CAPN15: variants seen among roughly 807,000 people sequenced by gnomAD.
CAPN15 encodes calpain-15.
A neutral mutation model predicts 97.9 loss-of-function variants in CAPN15; 53 were observed. The ratio of observed to expected loss-of-function variants is 0.54; its 90% CI spans 0.43 to 0.68. The LOEUF (loss-of-function observed/expected upper bound fraction) is 0.68, where lower values mean the gene tolerates loss of function less well. CAPN15 is among the 30% of genes least tolerant of loss of function. The pLI, the probability that CAPN15 is intolerant of heterozygous loss-of-function variation, is 0.00. For synonymous variants in CAPN15, 922 were observed against 722.5 expected (o/e 1.28, Z -4.43); for missense variants, 1,592 against 1,589.8 (o/e 1.00, Z -0.02).
In CAPN15 at chr16:546,745, G is replaced by A. The variant is rs2034610877; in HGVS notation, c.-22-72G>A. ...CAGCCACAGACGGGTGCCTTCCCCA[G>A]GCCGAGAGGAGGGTGGGGTCCAGCC... On this transcript the variant is annotated intron_variant, in intron 3 of 13. Transcript: ENST00000219611. The A allele has an allele frequency of 2.7e-6, 4 of 1,474,238 alleles. No homozygotes were observed. The Admixed American group carries it at 9.5e-5, about 35-fold the overall frequency. 91.3% of individuals were successfully genotyped at this position (1,474,238 alleles called of 1,614,324 possible).
intron 1 of CAPN15, chr16:528,808 T>C: frequency 2.1e-6 from 2 of 967,388 alleles, no homozygotes; most frequent in Non-Finnish European, 2.5e-6. Flanking sequence ...TGGGACTCCG[T>C]TGGGTGCTGA....
chr16:552,569 CG>C lies in CAPN15; in HGVS notation c.2738-32del, dbSNP rs1567161370. The C allele has an allele frequency of 6.4e-7, 1 of 1,564,376 alleles. No individual in the cohort carries two copies. The highest frequency in any genetic ancestry group is 1.8e-5 in the Admixed American group (1 of 55,252). On this transcript the variant is annotated intron_variant, in intron 11 of 13. Transcript: ENST00000219611. The surrounding 1 kb of genome is among the most constrained non-coding windows in gnomAD (Gnocchi z 6.4). The stretch of plus-strand genomic sequence containing the variant: ...ACCCCAGGCTCATGCCCCAGGCCCA[CG>C]GGGAGGGCTGCGGTTCACACGCCCG...
At chr16:551,750 C>T (rs560748531) in intron 9 of CAPN15, 86 bp downstream of exon 9, 5 of 1,531,352 alleles carry the variant, frequency 3.3e-6, no homozygotes, top group South Asian at 1.2e-5. Flanking sequence ...GTCCCTCCTG[C>T]TGACCTGGGG....
At chr16:529,414 G>A (rs1003887464) in intron 1 of CAPN15, among the ~76,000 whole-genome samples, 2 of 152,166 alleles carry the variant, frequency 1.3e-5, no homozygotes, top group African/African-American at 2.4e-5. Context: ...GCAGCACTCC[G>A]GTAACCCCAG....
chr16:528,685 C>T (rs1259991191), intron 1 of CAPN15: 1 of 983,582 alleles, frequency 1.0e-6, no homozygotes. Context: ...CTCTCGGGGC[C>T]CCCTTACTGC....
chr16:550,011 C>T (rs2034877079), intron 7 of CAPN15, among the ~76,000 whole-genome samples, 173 bp downstream of exon 7: 1 of 152,224 alleles, frequency 6.6e-6, no homozygotes, highest in East Asian at 1.9e-4. Context: ...CCTCCCTGGG[C>T]GGGGCTGGAG....
chr16:554,335 GC>G lies in CAPN15; in HGVS notation c.*822del, dbSNP rs1380014909. Reference sequence around the variant, plus strand: ...AGCCCAGGAGTGTGTGGACGTCTGAGCCCAGCTTTCTGCGTGCCCTCCTGGC... The same window carrying G: ...AGCCCAGGAGTGTGTGGACGTCTGAGCCAGCTTTCTGCGTGCCCTCCTGGC... On this transcript the variant is annotated 3_prime_UTR_variant, in exon 14 of 14. Coordinates refer to ENST00000219611, the MANE Select transcript of CAPN15 (RefSeq NM_005632.3). 2.7e-6 allele frequency: 1 copy of G among 369,552 alleles called. No individual in the cohort carries two copies. Among genetic ancestry groups the G allele is most frequent in the Non-Finnish European group, 5.3e-6 (1 of 187,900 alleles). The allele number at this position is 369,552 out of a possible 1,614,324, so 22.9% of individuals were successfully genotyped here.
intron 13 of CAPN15, 83 bp downstream of exon 13, chr16:553,124 C>A: frequency 1.6e-6 from 1 of 618,850 alleles, no homozygotes. Context: ...CTCGTGCCCC[C>A]CCACCCCTGC....
Position 553,493 on chromosome 16 carries a change from C to G in CAPN15, c.3238C>G (p.Leu1080Val), listed in dbSNP as rs1337270856. The change falls in exon 14 of 14, where the codon CTG (leucine) becomes GTG (valine). Residue 1080 changes from leucine (L) to valine (V), a missense_variant. Coordinates refer to ENST00000219611, the MANE Select transcript of CAPN15 (RefSeq NM_005632.3). ...SPPLTPEVAGLHGPRPL is the reference protein window; with the variant it reads ...SPPLTPEVAGVHGPRPL ...CCCACTCACGCCAGAGGTCGCCGGTCTGCATGGGCCCCGACCGCTGTGACC... is the reference window on the plus strand; with the variant it reads ...CCCACTCACGCCAGAGGTCGCCGGTGTGCATGGGCCCCGACCGCTGTGACC... 2 of 1,609,826 alleles carry G rather than the reference C, an allele frequency of 1.2e-6. No homozygotes were observed. Among genetic ancestry groups the G allele is most frequent in the Non-Finnish European group, 1.7e-6 (2 of 1,178,456 alleles).
chr16:549,955 C>G, intron 7 of CAPN15, 117 bp downstream of exon 7: 1 of 836,426 alleles, frequency 1.2e-6, no homozygotes, highest in Admixed American at 2.3e-5. Context: ...GTGCCCCTGG[C>G]GTGGGCTGAC....
intron 3 of CAPN15, among the ~76,000 whole-genome samples, chr16:542,206 A>G (rs2034167229): frequency 6.6e-6 from 1 of 152,234 alleles, no homozygotes; most frequent in African/African-American, 2.4e-5. Flanking sequence ...GGACGCTAGG[A>G]CTGCTTCCAC....
At chr16:545,373 C>T (rs909733292) in intron 3 of CAPN15, among the ~76,000 whole-genome samples, 32 of 147,734 alleles carry the variant, frequency 2.2e-4, no homozygotes, top group African/African-American at 7.5e-4. Context: ...CCTTCCACCT[C>T]GGCCCACCGA....
Position 536,144 on chromosome 16 carries a change from T to C in CAPN15, c.-23+2T>C, listed in dbSNP as rs113355794. ...GTGGGCCGGACCTGGGAGTGGCAGG[T>C]GAGCGTTCCTCCCAAGAGCCTCTGG... On this transcript the variant is annotated splice_donor_variant, in intron 3 of 13. Coordinates refer to ENST00000219611, the MANE Select transcript of CAPN15 (RefSeq NM_005632.3). LOFTEE classifies it low-confidence loss of function (5UTR_SPLICE). 0.11 allele frequency: 108,045 copies of C among 944,430 alleles called. 6,925 individuals are homozygous for C. The highest frequency in any genetic ancestry group is 0.25 in the African/African-American group (14,139 of 56,264). The allele number at this position is 944,430 out of a possible 1,614,324, so 58.5% of individuals were successfully genotyped here. A position where few individuals can be genotyped will look rare whatever the true frequency, so the allele number is the denominator to read the frequency against.
At chr16:530,855 A>T (rs145792135) in intron 1 of CAPN15, among the ~76,000 whole-genome samples, 7 of 152,322 alleles carry the variant, frequency 4.6e-5, no homozygotes, top group African/African-American at 1.4e-4. Context: ...GCTGCATGGG[A>T]AGCCAGCAGT....
At position 551,356 on chromosome 16, in the gene CAPN15, C is replaced by T. The variant is rs1198118274; in HGVS notation, c.2121C>T (p.Ala707=). The change falls in exon 8 of 14, where the codon GCC becomes GCT. Residue 707 remains alanine (A), a synonymous_variant. Transcript: ENST00000219611. ...GCAACATGAAGGTGGACGATTCGGC[C>T]TACGAGAGCCTGGGCCTGCGCCCCC... ...GGGNMKVDDS[A]YESLGLRPRH... is the part of the protein sequence containing the mutation. The T allele has an allele frequency of 1.1e-5, 17 of 1,609,406 alleles. No homozygotes were observed. The highest frequency in any genetic ancestry group is 1.7e-5 in the Admixed American group (1 of 59,880).
At position 547,504 on chromosome 16, in the gene CAPN15, C is replaced by T. The variant is rs770992910; in HGVS notation, c.666C>T (p.Ala222=). 11 of 1,598,156 alleles carry T rather than the reference C, an allele frequency of 6.9e-6. No individual in the cohort carries two copies. Among genetic ancestry groups the T allele is most frequent in the Admixed American group, 3.3e-5 (2 of 59,942 alleles). ...CAGCCACCAGCCAGGGCCCAGCTGCCGAACCAGAGCCGCCCAGGGTCCCGC... is the reference window on the plus strand; with the variant it reads ...CAGCCACCAGCCAGGGCCCAGCTGCTGAACCAGAGCCGCCCAGGGTCCCGC... The part of the protein sequence containing the change: ...NPPATSQGPA[A]EPEPPRVPPF... The change falls in exon 4 of 14, where the codon GCC becomes GCT. Residue 222 remains alanine, a synonymous_variant. Transcript: ENST00000219611.
rs754176485 is a variant in CAPN15 at position 548,236 on chromosome 16, C to T, written c.1398C>T (p.Asp466=). ...SMHVEQRRQT[D]EGEAKALWEN... is the part of the protein sequence containing the mutation. ...ACGTGGAGCAGCGGCGGCAGACAGA[C>T]GAGGGCGAGGCCAAGGCACTCTGGG... The change falls in exon 4 of 14, where the codon GAC becomes GAT. Residue 466 remains aspartate, a synonymous_variant. Coordinates refer to ENST00000219611, the MANE Select transcript of CAPN15 (RefSeq NM_005632.3). 21 of 1,551,154 alleles carry T rather than the reference C, an allele frequency of 1.4e-5. No homozygotes were observed. The highest frequency in any genetic ancestry group is 4.8e-5 in the South Asian group (4 of 83,868).
chr16:541,511 G>A (rs992166140), intron 3 of CAPN15, among the ~76,000 whole-genome samples: 6 of 152,230 alleles, frequency 3.9e-5, no homozygotes, highest in East Asian at 1.9e-4. Flanking sequence ...CTCCTCCTGC[G>A]TGTGGTGGCA....
chr16:534,644 G>C (rs2033565140), intron 2 of CAPN15, among the ~76,000 whole-genome samples: 2 of 152,236 alleles, frequency 1.3e-5, no homozygotes, highest in African/African-American at 4.8e-5. Context: ...GGCACCGACT[G>C]AGCTTCGTCC....
Sources: gnomAD v4.1 joint callset for allele counts (sites outside exome capture counted in the v4.1 genomes callset) on GRCh38, gnomAD v4.1.1 for gene constraint, Gnocchi (gnomAD v3.1) non-coding constraint, MANE v1.5 for transcripts, NCBI Gene and HGNC (gene_info 2026-07-23, HGNC 2026-07-21) for gene names.